FHIT: variants seen among roughly 807,000 people sequenced by gnomAD.
FHIT encodes the protein fragile histidine triad diadenosine triphosphatase.
A neutral mutation model predicts 17.9 loss-of-function variants in FHIT; 19 were observed. That is an observed-to-expected ratio of 1.06 (90% CI 0.74 to 1.56). The LOEUF (loss-of-function observed/expected upper bound fraction) is 1.56, where lower values mean the gene tolerates loss of function less well. FHIT is among the 40% of genes most tolerant of loss of function. FHIT has a pLI of 0.00. For missense variants in FHIT, 248 were observed against 189.2 expected, an observed-to-expected ratio of 1.31 and a Z score of -1.82; for synonymous variants, 81 against 69.7, an observed-to-expected ratio of 1.16 and a Z score of -0.81.
chr3:61,219,400 T>G (rs2039776291), intron 1 of FHIT, among the ~76,000 whole-genome samples: 1 of 151,204 alleles, frequency 6.6e-6, no homozygotes, highest in Admixed American at 6.6e-5. Context: ...TGCGAGCAAG[T>G]CAGAACCCAA....
intron 4 of FHIT, among the ~76,000 whole-genome samples, chr3:60,601,264 G>A (rs898001605): frequency 6.6e-6 from 1 of 152,090 alleles, no homozygotes; most frequent in African/African-American, 2.4e-5. Context: ...ATTTCCTACC[G>A]CAGTGGCTTC....
chr3:60,349,582 A>T (rs1279168763), intron 5 of FHIT, among the ~76,000 whole-genome samples: 2 of 152,170 alleles, frequency 1.3e-5, no homozygotes, highest in Admixed American at 1.3e-4. Flanking sequence ...TGTAAGTCTA[A>T]GTTTTTCAGA....
At chr3:60,564,125 C>T (rs188037834) in intron 4 of FHIT, among the ~76,000 whole-genome samples, 2 of 152,194 alleles carry the variant, frequency 1.3e-5, no homozygotes, top group Non-Finnish European at 2.9e-5. Context: ...TTCTGAAAAT[C>T]CTGGATCCCT....
chr3:61,186,045 A>T (rs564154039), intron 2 of FHIT, among the ~76,000 whole-genome samples: 1 of 152,344 alleles, frequency 6.6e-6, no homozygotes, highest in African/African-American at 2.4e-5. Context: ...CACCATTAGG[A>T]AAGAACTACA....
chr3:60,093,516 C>T (rs780226379), intron 5 of FHIT, among the ~76,000 whole-genome samples: 10 of 152,292 alleles, frequency 6.6e-5, no homozygotes, highest in African/African-American at 2.4e-4. Context: ...TAAGGTAACA[C>T]AGCCACAGTT....
chr3:61,034,067 C>T (rs755352492), intron 3 of FHIT, among the ~76,000 whole-genome samples: 7 of 152,050 alleles, frequency 4.6e-5, no homozygotes, highest in Non-Finnish European at 1.0e-4. Context: ...ACCACACATG[C>T]CAAGAATAAA....
At chr3:59,856,253 G>A (rs930251104) in intron 8 of FHIT, among the ~76,000 whole-genome samples, 23 of 151,954 alleles carry the variant, frequency 1.5e-4, no homozygotes, top group Admixed American at 3.3e-4. Context: ...TAACCATAAT[G>A]GACCCAAGAA....
intron 2 of FHIT, among the ~76,000 whole-genome samples, chr3:61,194,424 G>A (rs955606656): frequency 3.3e-5 from 5 of 152,024 alleles, no homozygotes; most frequent in Admixed American, 6.6e-5. Context: ...TCTAAGACCC[G>A]ACACCACTAG....
At chr3:61,201,091 T>C (rs1378040722) in intron 1 of FHIT, among the ~76,000 whole-genome samples, 1 of 152,244 alleles carries the variant, frequency 6.6e-6, no homozygotes, top group East Asian at 1.9e-4. Context: ...TAGGGATGCC[T>C]ATTCCATTTA....
chr3:60,142,765 C>G (rs1270831637), intron 5 of FHIT, among the ~76,000 whole-genome samples: 8 of 151,524 alleles, frequency 5.3e-5, no homozygotes, highest in Non-Finnish European at 4.4e-5. Flanking sequence ...CTCAAATGAT[C>G]CTCCTAGATC....
chr3:61,145,514 C>T (rs2037203324), intron 2 of FHIT, among the ~76,000 whole-genome samples: 1 of 151,774 alleles, frequency 6.6e-6, no homozygotes, highest in South Asian at 2.1e-4. Context: ...TTTGCAGTTC[C>T]ACATGCAATT....
intron 5 of FHIT, among the ~76,000 whole-genome samples, chr3:60,157,141 T>C (rs1700736752): frequency 6.6e-6 from 1 of 152,184 alleles, no homozygotes; most frequent in African/African-American, 2.4e-5. Context: ...CATGATGTAA[T>C]AATGGTTTCA....
chr3:61,099,675 C>A (rs965542655), intron 2 of FHIT, among the ~76,000 whole-genome samples: 7 of 152,004 alleles, frequency 4.6e-5, no homozygotes, highest in African/African-American at 1.7e-4. Context: ...TTATTCATTT[C>A]TTCTAGATTT....
In FHIT at chr3:60,408,706, G is replaced by T. The variant is rs534837800; in HGVS notation, c.103+128154C>A. Among the ~76,000 whole-genome samples the T allele has an allele frequency of 4.6e-5, 7 of 152,166 alleles. No individual in the cohort carries two copies. In the South Asian group the frequency reaches 1.5e-3, roughly 32 times the overall value. On this transcript the variant is annotated intron_variant, in intron 5 of 9. Transcript: ENST00000492590. Reference sequence around the variant, plus strand: ...AAGTGTATCATTTACTTATCAACTTGGTATTTCCTAAGATCTAATGTGATA... The same window carrying T: ...AAGTGTATCATTTACTTATCAACTTTGTATTTCCTAAGATCTAATGTGATA...
At chr3:61,077,946 C>A (rs897738527) in intron 2 of FHIT, among the ~76,000 whole-genome samples, 2 of 152,094 alleles carry the variant, frequency 1.3e-5, no homozygotes, top group Non-Finnish European at 1.5e-5. Flanking sequence ...TCAAGGAGAG[C>A]CATAGGAGGC....
At chr3:61,216,858 A>G (rs1326442833) in intron 1 of FHIT, among the ~76,000 whole-genome samples, 3 of 152,128 alleles carry the variant, frequency 2.0e-5, no homozygotes, top group African/African-American at 7.2e-5. Flanking sequence ...CATGGATGAA[A>G]TTGGAAATCA....
intron 4 of FHIT, among the ~76,000 whole-genome samples, chr3:60,624,024 A>G (rs1445290715): frequency 2.0e-5 from 3 of 152,260 alleles, no homozygotes; most frequent in Non-Finnish European, 1.5e-5. Flanking sequence ...ACAATGTTAT[A>G]GTAATACAGA....
chr3:60,393,928 G>C (rs1701333436), intron 5 of FHIT, among the ~76,000 whole-genome samples: 1 of 152,190 alleles, frequency 6.6e-6, no homozygotes, highest in South Asian at 2.1e-4. Context: ...AACTGCAAGA[G>C]AGTTCTTTTG....
At chr3:61,207,712 C>T (rs991852053) in intron 1 of FHIT, among the ~76,000 whole-genome samples, 1 of 152,014 alleles carries the variant, frequency 6.6e-6, no homozygotes, top group Non-Finnish European at 1.5e-5. Context: ...TCTCTCTTTT[C>T]TTCTTCATTA....
Sources: allele counts gnomAD v4.1 joint callset (sites outside exome capture counted in the v4.1 genomes callset), GRCh38; gene constraint gnomAD v4.1.1; transcripts MANE v1.5; gene names NCBI Gene and HGNC (gene_info 2026-07-23, HGNC 2026-07-21).